The following RIN3 variants were observed in gnomAD, a reference collection of about 807,000 sequenced individuals.
RIN3 encodes RAB5 interacting protein 3.
A neutral mutation model predicts 76.3 loss-of-function variants in RIN3; 54 were observed. That is an observed-to-expected ratio of 0.71 (90% CI 0.57 to 0.89). RIN3 has a LOEUF of 0.89. Ranked by LOEUF, RIN3 falls within the 40% of genes least tolerant of loss-of-function variation. The pLI is 0.00. For synonymous variants in RIN3, 576 were observed against 564.0 expected (o/e 1.02, Z -0.30); for missense variants, 1,256 against 1,322.1 (o/e 0.95, Z 0.78).
At position 92,681,265 on chromosome 14, in the gene RIN3, C is replaced by T. The variant is rs1463819048; in HGVS notation, c.2468-3722C>T. Among the ~76,000 whole-genome samples the T allele has an allele frequency of 2.0e-5, 3 of 152,084 alleles. No homozygotes were observed. The highest frequency in any genetic ancestry group is 4.4e-5 in the Non-Finnish European group (3 of 68,026). ...CCTGCCACCTAGTGGCCCTGGCAGG[C>T]ATTTCATGGCCCCAAGTCAAAGAGG... On this transcript the variant is annotated intron_variant, in intron 8 of 9. Transcript: ENST00000216487. The surrounding 1 kb of genome is among the most constrained non-coding windows in gnomAD (Gnocchi z 4.7).
intron 8 of RIN3, among the ~76,000 whole-genome samples, chr14:92,678,311 C>T (rs1244087556): frequency 2.0e-5 from 3 of 150,894 alleles, no homozygotes; most frequent in East Asian, 2.0e-4. Flanking sequence ...TCCACATATT[C>T]ACCCACACAC....
chr14:92,661,759 A>AC (rs11436084), intron 7 of RIN3, among the ~76,000 whole-genome samples: 50,438 of 99,706 alleles, frequency 0.51, 9,781 homozygotes, highest in African/African-American at 0.56. Flanking sequence ...ACACACACAC[A>AC]AAAAATAGAA....
chr14:92,576,357 C>T, intron 2 of RIN3: 2 of 1,289,862 alleles, frequency 1.6e-6, no homozygotes, highest in South Asian at 1.2e-5. Flanking sequence ...TGTCCGTCAA[C>T]ATGCTGGCTC....
Position 92,544,438 on chromosome 14 carries a change from G to A in RIN3, c.45-11313G>A, listed in dbSNP as rs1009935394. Among the ~76,000 whole-genome samples, 273 of 135,152 alleles carry A rather than the reference G, an allele frequency of 2.0e-3. 4 individuals are homozygous for A. Among genetic ancestry groups the A allele is most frequent in the African/African-American group, 4.1e-3 (149 of 36,598 alleles). The allele number at this position is 135,152 out of a possible 152,430, so 88.7% of individuals were successfully genotyped here. On this transcript the variant is annotated intron_variant, in intron 1 of 9. Transcript: ENST00000216487. ...GTGGGGGGGGGGGGGGGGTGGGGGC[G>A]GGGGTCCCAAAAAGTCCCCTGGGGC...
At chr14:92,629,307 G>C (rs965161694) in intron 4 of RIN3, among the ~76,000 whole-genome samples, 1 of 152,310 alleles carries the variant, frequency 6.6e-6, no homozygotes, top group South Asian at 2.1e-4. Flanking sequence ...TTGGCATCTT[G>C]AACAAAGAAT....
rs749517434 is a variant in RIN3, at chr14:92,652,432, C to T, written c.1383C>T (p.Pro461=). Residue 461 remains proline, a synonymous_variant, in exon 6 of 10, where the codon CCC becomes CCT. Transcript: ENST00000216487. The surrounding 1 kb of genome is among the most constrained non-coding windows in gnomAD (Gnocchi z 6.4). ...RTAKQPPVPP[P]RKKRISRQLA... is the part of the protein sequence containing the mutation. ...CCAAACAACCCCCAGTCCCGCCCCC[C>T]AGGAAAAAACGGATCTCTCGACAAC... 1.2e-6 allele frequency: 2 copies of T among 1,614,072 alleles called. No individual in the cohort carries two copies. The highest frequency in any genetic ancestry group is 1.7e-6 in the Non-Finnish European group (2 of 1,180,004).
intron 2 of RIN3, among the ~76,000 whole-genome samples, chr14:92,565,704 C>A (rs1235913383): frequency 6.6e-6 from 1 of 152,168 alleles, no homozygotes; most frequent in Non-Finnish European, 1.5e-5. Flanking sequence ...ATAATTAGCA[C>A]ATAATGAGCA....
chr14:92,559,669 G>C (rs953877523), intron 2 of RIN3, among the ~76,000 whole-genome samples: 1 of 152,192 alleles, frequency 6.6e-6, no homozygotes, highest in African/African-American at 2.4e-5. Flanking sequence ...GGTGATCTGG[G>C]CAGACTTCCT....
chr14:92,667,207 T>A (rs535152187), intron 7 of RIN3, among the ~76,000 whole-genome samples: 5 of 152,056 alleles, frequency 3.3e-5, no homozygotes, highest in Admixed American at 6.5e-5. Context: ...TTTTTTTAAA[T>A]CTGTGTTTAA....
At chr14:92,587,413 C>T (rs927228135) in intron 3 of RIN3, among the ~76,000 whole-genome samples, 3 of 121,236 alleles carry the variant, frequency 2.5e-5, no homozygotes, top group Non-Finnish European at 5.5e-5. Flanking sequence ...TACAGTAATG[C>T]CCCTCTAGGA....
At chr14:92,609,638 G>A (rs1281758366) in intron 3 of RIN3, among the ~76,000 whole-genome samples, 1 of 152,198 alleles carries the variant, frequency 6.6e-6, no homozygotes, top group Non-Finnish European at 1.5e-5. Context: ...CATGGGTGAT[G>A]TGGTCTCCTG....
In RIN3 at chr14:92,514,280, C is replaced by G. The variant is rs769157785; in HGVS notation, c.44+304C>G. On this transcript the variant is annotated intron_variant, in intron 1 of 9. Transcript: ENST00000216487. The surrounding 1 kb of genome is among the most constrained non-coding windows in gnomAD (Gnocchi z 7.2). ...GAGGGAGTGCGTCGCTACCTGTCAG[C>G]GCCGGGGCTGCCCGCGTGGACGCGG... Among the ~76,000 whole-genome samples, 1 of 152,238 alleles carries G rather than the reference C, an allele frequency of 6.6e-6. No homozygotes were observed. The highest frequency in any genetic ancestry group is 2.4e-5 in the African/African-American group (1 of 41,470).
chr14:92,527,635 C>A lies in RIN3; in HGVS notation c.44+13659C>A, dbSNP rs116789863. ...GCAGTCAAGACAGAAAATTCCATCACCCTCCAAAAGCCCCCTGGGCCCTTT... is the reference window on the plus strand; with the variant it reads ...GCAGTCAAGACAGAAAATTCCATCAACCTCCAAAAGCCCCCTGGGCCCTTT... On this transcript the variant is annotated intron_variant, in intron 1 of 9. Coordinates refer to ENST00000216487, the MANE Select transcript of RIN3 (RefSeq NM_024832.5). Among the ~76,000 whole-genome samples, 422 of 151,872 alleles carry A rather than the reference C, an allele frequency of 2.8e-3. 2 individuals are homozygous for A. The highest frequency in any genetic ancestry group is 9.8e-3 in the African/African-American group (402 of 41,152).
chr14:92,674,842 T>C (rs1888405813), intron 7 of RIN3, among the ~76,000 whole-genome samples: 1 of 147,580 alleles, frequency 6.8e-6, no homozygotes, highest in African/African-American at 2.5e-5. Flanking sequence ...TGAGCCGAGA[T>C]GGCACCACTG....
intron 1 of RIN3, among the ~76,000 whole-genome samples, chr14:92,550,037 G>A (rs2140028686): frequency 1.3e-5 from 2 of 152,314 alleles, no homozygotes; most frequent in Middle Eastern, 6.8e-3. Flanking sequence ...TCTGATGCTG[G>A]TTGGGCTTAG....
intron 4 of RIN3, among the ~76,000 whole-genome samples, chr14:92,633,864 TG>T (rs1419144747): frequency 4.0e-5 from 6 of 151,530 alleles, no homozygotes; most frequent in Non-Finnish European, 7.4e-5. Flanking sequence ...GTGGTGTGTG[TG>T]TGTGTGTGTG....
chr14:92,557,335 T>C (rs1251218413), intron 2 of RIN3, among the ~76,000 whole-genome samples: 30 of 152,246 alleles, frequency 2.0e-4, no homozygotes, highest in Admixed American at 1.9e-3. Context: ...AGTGGGAATC[T>C]GGACCCAGGC....
At chr14:92,680,909 C>T (rs1482417514) in intron 8 of RIN3, among the ~76,000 whole-genome samples, 1 of 152,214 alleles carries the variant, frequency 6.6e-6, no homozygotes, top group Non-Finnish European at 1.5e-5. Context: ...GCCTGAGTGC[C>T]AGCTTGCTGG....
intron 8 of RIN3, among the ~76,000 whole-genome samples, chr14:92,680,348 C>T (rs911788690): frequency 1.7e-4 from 26 of 152,010 alleles, no homozygotes; most frequent in Non-Finnish European, 2.6e-4. Flanking sequence ...TACAGGCCTG[C>T]GCCATCACAC....
Sources: allele counts gnomAD v4.1 joint callset (sites outside exome capture counted in the v4.1 genomes callset), GRCh38; gene constraint gnomAD v4.1.1; non-coding constraint Gnocchi (gnomAD v3.1); transcripts MANE v1.5; gene names NCBI Gene and HGNC (gene_info 2026-07-23, HGNC 2026-07-21).